The following DRGX variants were observed in gnomAD, a reference collection of about 807,000 sequenced individuals.
The protein encoded by DRGX is dorsal root ganglia homeobox protein.
Under a neutral mutation model 28.6 loss-of-function variants are expected in DRGX, and 21 were observed. The observed-to-expected ratio is 0.73, with a 90% CI of 0.52 to 1.06. The LOEUF (loss-of-function observed/expected upper bound fraction) is 1.06. DRGX is among the 50% of genes least tolerant of loss of function. The pLI, the probability that DRGX is intolerant of heterozygous loss-of-function variation, is 0.00. For missense variants in DRGX, 354 were observed against 343.9 expected, an observed-to-expected ratio of 1.03 and a Z score of -0.23; for synonymous variants, 136 against 139.1, an observed-to-expected ratio of 0.98 and a Z score of 0.16.
In DRGX at chr10:49,387,998, C is replaced by T. The variant is rs576727265; in HGVS notation, c.235-1140G>A. Among the ~76,000 whole-genome samples the T allele has an allele frequency of 7.2e-5, 11 of 152,304 alleles. No individual in the cohort carries two copies. The South Asian group carries it at 2.1e-3, about 29-fold the overall frequency. ...GAAGATTGGCATGTCTGCAAAACAC[C>T]GAGCACAGGGCCTGATGCATAGCCA... On this transcript the variant is annotated intron_variant, in intron 4 of 6. Coordinates refer to ENST00000374139, the MANE Select transcript of DRGX (RefSeq NM_001276451.2).
rs113913193 is a variant in DRGX, at chr10:49,380,190, G to A, written c.526+6288C>T. ...GGTGGCTGTGACTCCTGCAGCATGA[G>A]CGTGCAGTGAGTTATGAAAGCTCTA... On this transcript the variant is annotated intron_variant, in intron 6 of 6. Coordinates refer to ENST00000374139, the MANE Select transcript of DRGX (RefSeq NM_001276451.2). 6.7e-3 allele frequency among the ~76,000 whole-genome samples: 1,014 copies of A among 152,348 alleles called. 9 individuals are homozygous for A. Among genetic ancestry groups the A allele is most frequent in the African/African-American group, 0.022 (934 of 41,590 alleles).
chr10:49,377,871 T>G (rs559879220), intron 6 of DRGX, among the ~76,000 whole-genome samples: 1 of 152,256 alleles, frequency 6.6e-6, no homozygotes, highest in Admixed American at 6.5e-5. Context: ...CAACCACAGT[T>G]AAATAAAACC....
rs559104406 is a variant in DRGX, at chr10:49,375,950, T to C, written c.527-9569A>G. ...CAGCTCTGTGCACTCCAGGGCCCCA[T>C]TGATTAGCAGGAAGGGCAAACCCAT... is the stretch of plus-strand genomic sequence containing the variant. On this transcript the variant is annotated intron_variant, in intron 6 of 6. Coordinates refer to ENST00000374139, the MANE Select transcript of DRGX (RefSeq NM_001276451.2). Among the ~76,000 whole-genome samples, 21 of 152,108 alleles carry C rather than the reference T, an allele frequency of 1.4e-4. No homozygotes were observed. In the South Asian group the frequency reaches 4.0e-3, roughly 29 times the overall value.
intron 6 of DRGX, among the ~76,000 whole-genome samples, chr10:49,380,813 G>C (rs535631497): frequency 4.6e-5 from 7 of 152,320 alleles, no homozygotes; most frequent in Admixed American, 3.9e-4. Context: ...AAGTGAATGG[G>C]GTCTAGGGAC....
At chr10:49,384,109 C>T (rs1590367658) in intron 6 of DRGX, among the ~76,000 whole-genome samples, 1 of 152,218 alleles carries the variant, frequency 6.6e-6, no homozygotes, top group South Asian at 2.1e-4. Context: ...AGCATGGCTC[C>T]TTGCTTAGCT....
chr10:49,373,698 C>T (rs1849688091), intron 6 of DRGX, among the ~76,000 whole-genome samples: 1 of 152,184 alleles, frequency 6.6e-6, no homozygotes, highest in Non-Finnish European at 1.5e-5. Flanking sequence ...TTAGACTTCC[C>T]AGCCTCCAGA....
intron 6 of DRGX, among the ~76,000 whole-genome samples, chr10:49,373,664 A>G (rs76041114): frequency 6.6e-6 from 1 of 152,210 alleles, no homozygotes. Context: ...CTCACAAGAC[A>G]CTGAGTCTTC....
chr10:49,374,381 T>C (rs1849695677), intron 6 of DRGX, among the ~76,000 whole-genome samples: 1 of 152,176 alleles, frequency 6.6e-6, no homozygotes, highest in Non-Finnish European at 1.5e-5. Flanking sequence ...CCCTCCCATT[T>C]GTGTGGACCA....
Position 49,391,251 on chromosome 10 carries a change from G to A in DRGX, c.45C>T (p.Thr15=), listed in dbSNP as rs776683385. The change falls in exon 3 of 7, where the codon ACC becomes ACT. Residue 15 remains threonine (T), a synonymous_variant. Transcript: ENST00000374139. ...HCPPQLEGTA[T]FGNHSSGDFD... ...AATCCCCCGAAGAGTGATTGCCAAA[G>A]GTTGCAGTGCCTACCAAGAGCAAAC... The A allele has an allele frequency of 6.2e-7, 1 of 1,610,190 alleles. No individual in the cohort carries two copies. Among genetic ancestry groups the A allele is most frequent in the African/African-American group, 1.3e-5 (1 of 74,924 alleles).
intron 6 of DRGX, among the ~76,000 whole-genome samples, chr10:49,367,219 C>T (rs1461912669): frequency 6.6e-6 from 1 of 151,976 alleles, no homozygotes; most frequent in African/African-American, 2.4e-5. Context: ...ATAAATTAAC[C>T]AGGCATCATG....
At chr10:49,390,743 A>C (rs1849893901) in intron 3 of DRGX, among the ~76,000 whole-genome samples, 1 of 152,198 alleles carries the variant, frequency 6.6e-6, no homozygotes, top group Non-Finnish European at 1.5e-5. Flanking sequence ...ACACAGTATC[A>C]AGGTCCCAGT....
At chr10:49,375,901 T>C (rs1052993288) in intron 6 of DRGX, among the ~76,000 whole-genome samples, 7 of 152,138 alleles carry the variant, frequency 4.6e-5, no homozygotes, top group Non-Finnish European at 8.8e-5. Context: ...CTGCTGCCTC[T>C]GGCACCAGCC....
At chr10:49,371,394 T>C (rs1849657974) in intron 6 of DRGX, among the ~76,000 whole-genome samples, 1 of 152,170 alleles carries the variant, frequency 6.6e-6, no homozygotes, top group Non-Finnish European at 1.5e-5. Flanking sequence ...GGCTCGCACC[T>C]GTATTCCCAG....
At chr10:49,379,080 C>T (rs1406088404) in intron 6 of DRGX, among the ~76,000 whole-genome samples, 1 of 152,120 alleles carries the variant, frequency 6.6e-6, no homozygotes, top group Admixed American at 6.5e-5. Context: ...ATTTGGGATG[C>T]TCAACCACTA....
chr10:49,378,795 A>G (rs1033305291), intron 6 of DRGX, among the ~76,000 whole-genome samples: 1 of 152,232 alleles, frequency 6.6e-6, no homozygotes, highest in Non-Finnish European at 1.5e-5. Context: ...AAATCTTGTA[A>G]ACATAGTGCT....
chr10:49,371,262 A>G (rs1849656241), intron 6 of DRGX, among the ~76,000 whole-genome samples: 1 of 152,174 alleles, frequency 6.6e-6, no homozygotes, highest in African/African-American at 2.4e-5. Context: ...AACATGATGG[A>G]GCTTCATCCT....
At chr10:49,387,162 G>A (rs1849849438) in intron 4 of DRGX, among the ~76,000 whole-genome samples, 1 of 152,338 alleles carries the variant, frequency 6.6e-6, no homozygotes, top group Non-Finnish European at 1.5e-5. Flanking sequence ...GTTGTGAAAT[G>A]TATTTCCTAC....
At chr10:49,369,604 G>A (rs1849633168) in intron 6 of DRGX, among the ~76,000 whole-genome samples, 1 of 152,154 alleles carries the variant, frequency 6.6e-6, no homozygotes, top group African/African-American at 2.4e-5. Flanking sequence ...GGGAGGGGAA[G>A]TGGGAATTGT....
At chr10:49,373,813 C>T (rs780834288) in intron 6 of DRGX, among the ~76,000 whole-genome samples, 20 of 152,176 alleles carry the variant, frequency 1.3e-4, no homozygotes, top group Middle Eastern at 3.4e-3. Flanking sequence ...TATACTAAAA[C>T]ACATATATGC....
Sources: gnomAD v4.1 joint callset for allele counts (sites outside exome capture counted in the v4.1 genomes callset) on GRCh38, gnomAD v4.1.1 for gene constraint, MANE v1.5 for transcripts, NCBI Gene and HGNC (gene_info 2026-07-23, HGNC 2026-07-21) for gene names.